EHBP1: variants seen among roughly 807,000 people sequenced by gnomAD.
EHBP1 encodes EH domain-binding protein 1.
In EHBP1, 55 loss-of-function variants were observed where a neutral mutation model predicts 144.0. The observed-to-expected ratio is 0.38, with a 90% CI of 0.31 to 0.48. EHBP1 has a LOEUF of 0.48. Among genes scored for constraint, EHBP1 ranks in the 20% least tolerant of loss-of-function variants. The pLI, the probability that EHBP1 is intolerant of heterozygous loss-of-function variation, is 0.98. For synonymous variants in EHBP1, 469 were observed against 472.7 expected, an observed-to-expected ratio of 0.99 and a Z score of 0.10; for missense variants, 1,200 against 1,364.2, an observed-to-expected ratio of 0.88 and a Z score of 1.90.
At chr2:62,729,997 A>G (rs2152013169) in intron 2 of EHBP1, among the ~76,000 whole-genome samples, 1 of 152,224 alleles carries the variant, frequency 6.6e-6, no homozygotes. Context: ...TGCTATAGAG[A>G]GAGTCACACA....
chr2:62,752,122 T>A (rs199701838), intron 3 of EHBP1, among the ~76,000 whole-genome samples: 1 of 152,228 alleles, frequency 6.6e-6, no homozygotes, highest in Non-Finnish European at 1.5e-5. Context: ...TGGTATTTAG[T>A]GCTAGAAATT....
chr2:62,960,676 G>T (rs2057955808), intron 14 of EHBP1, among the ~76,000 whole-genome samples: 1 of 152,118 alleles, frequency 6.6e-6, no homozygotes, highest in Admixed American at 6.5e-5. Flanking sequence ...TCCTCTGAGT[G>T]TCACCTAATA....
At position 62,764,138 on chromosome 2, in the gene EHBP1, T is replaced by G. The variant is rs567457498; in HGVS notation, c.163-128T>G. On this transcript the variant is annotated intron_variant, in intron 3 of 22. Transcript: ENST00000431489. ...TTTCAGGGATACTACATAGGGTCAA[T>G]ATACCATTGTAAATTACTAACATTG... The G allele has an allele frequency of 6.9e-5, 46 of 663,856 alleles. No homozygotes were observed. In the South Asian group the frequency reaches 1.2e-3, roughly 17 times the overall value. The allele number at this position is 663,856 out of a possible 1,614,324, so 41.1% of individuals were successfully genotyped here.
At position 62,829,963 on chromosome 2, in the gene EHBP1, C is replaced by T. The variant is rs139186536; in HGVS notation, c.495-1056C>T. The stretch of plus-strand genomic sequence containing the variant: ...TTAAAGAGTTAAAAAGTAGAACTAC[C>T]GTCTGATCCAGGAATCCCACTGCAG... On this transcript the variant is annotated intron_variant, in intron 6 of 22. Coordinates refer to ENST00000431489, the MANE Select transcript of EHBP1 (RefSeq NM_001142616.3). 1.8e-4 allele frequency among the ~76,000 whole-genome samples: 27 copies of T among 150,642 alleles called. No individual in the cohort carries two copies. In the South Asian group the frequency reaches 1.9e-3, roughly 11 times the overall value.
chr2:62,722,917 T>G (rs2036376410), intron 2 of EHBP1, among the ~76,000 whole-genome samples: 1 of 152,204 alleles, frequency 6.6e-6, no homozygotes, highest in Admixed American at 6.5e-5. Flanking sequence ...TGAGGTATTT[T>G]ATGTCCAATT....
rs1022731361 is a variant in EHBP1, at chr2:62,898,618, A to G, written c.1185+24086A>G. On this transcript the variant is annotated intron_variant, in intron 10 of 22. Coordinates refer to ENST00000431489, the MANE Select transcript of EHBP1 (RefSeq NM_001142616.3). ...ACCACCCCTTTTCTCCAATCACTAT[A>G]TCATACCTATGTACTTTGGTCTTCT... Among the ~76,000 whole-genome samples, 51 of 152,248 alleles carry G rather than the reference A, an allele frequency of 3.3e-4. 1 individual carries two copies. The highest frequency in any genetic ancestry group is 3.4e-3 in the Middle Eastern group (1 of 294).
intron 7 of EHBP1, among the ~76,000 whole-genome samples, chr2:62,846,303 C>T (rs989947027): frequency 1.3e-5 from 2 of 152,020 alleles, no homozygotes; most frequent in Non-Finnish European, 2.9e-5. Flanking sequence ...AGGGGAGGAG[C>T]CAGAAGGCAA....
intron 7 of EHBP1, among the ~76,000 whole-genome samples, chr2:62,834,826 C>T (rs543473180): frequency 7.2e-5 from 11 of 152,154 alleles, no homozygotes; most frequent in East Asian, 5.8e-4. Context: ...ATATGGAGGG[C>T]GCACTTTTCA....
intron 15 of EHBP1, among the ~76,000 whole-genome samples, chr2:62,982,832 G>C (rs2059028169): frequency 6.6e-6 from 1 of 152,146 alleles, no homozygotes; most frequent in Non-Finnish European, 1.5e-5. Context: ...ACCAGCCTCG[G>C]TGAGAAAAGG....
intron 14 of EHBP1, among the ~76,000 whole-genome samples, chr2:62,976,535 T>C (rs1452221744): frequency 6.6e-6 from 1 of 152,234 alleles, no homozygotes; most frequent in East Asian, 1.9e-4. Flanking sequence ...CTCCTTTTTC[T>C]TGAAAGCCTC....
At chr2:62,786,530 G>C (rs1573344837) in intron 5 of EHBP1, among the ~76,000 whole-genome samples, 1 of 152,306 alleles carries the variant, frequency 6.6e-6, no homozygotes, top group Non-Finnish European at 1.5e-5. Context: ...AATGTGGGAT[G>C]AGAAATATTT....
chr2:62,814,159 G>A (rs2045266941), intron 5 of EHBP1, among the ~76,000 whole-genome samples: 2 of 152,192 alleles, frequency 1.3e-5, no homozygotes, highest in South Asian at 2.1e-4. Context: ...TTGAGAGGTG[G>A]GAACTGTATG....
chr2:63,041,209 G>A (rs188117478), intron 21 of EHBP1, among the ~76,000 whole-genome samples: 126 of 152,072 alleles, frequency 8.3e-4, no homozygotes, highest in Non-Finnish European at 1.6e-3. Flanking sequence ...TAATCACTTT[G>A]GCCTGTTTTT....
intron 5 of EHBP1, among the ~76,000 whole-genome samples, chr2:62,819,872 T>G (rs1427694199): frequency 1.3e-5 from 2 of 151,942 alleles, no homozygotes; most frequent in Admixed American, 1.3e-4. Context: ...GCGATGAAAT[T>G]TAATGAACCA....
intron 16 of EHBP1, among the ~76,000 whole-genome samples, chr2:62,992,795 C>T (rs1444965023): frequency 6.6e-6 from 1 of 152,156 alleles, no homozygotes; most frequent in Non-Finnish European, 1.5e-5. Context: ...CTTTTGATAA[C>T]CAGTTTCAGC....
intron 19 of EHBP1, among the ~76,000 whole-genome samples, chr2:63,031,626 T>TA (rs969172251): frequency 8.6e-5 from 13 of 151,850 alleles, no homozygotes; most frequent in African/African-American, 2.9e-4. Flanking sequence ...ATATGTAATT[T>TA]AAAAAAAATA....
At chr2:62,778,199 G>T (rs913920448) in intron 5 of EHBP1, among the ~76,000 whole-genome samples, 3 of 151,952 alleles carry the variant, frequency 2.0e-5, no homozygotes, top group Admixed American at 6.6e-5. Flanking sequence ...TGTTACCTCC[G>T]GAAGACTTTT....
intron 5 of EHBP1, among the ~76,000 whole-genome samples, chr2:62,798,218 A>G (rs1311987549): frequency 6.6e-6 from 1 of 152,116 alleles, no homozygotes; most frequent in Non-Finnish European, 1.5e-5. Context: ...AAATACAAAA[A>G]TTAGCTGAGA....
intron 14 of EHBP1, among the ~76,000 whole-genome samples, chr2:62,957,739 G>A (rs780318019): frequency 2.3e-5 from 3 of 132,242 alleles, no homozygotes; most frequent in African/African-American, 5.8e-5. Flanking sequence ...TTCGCCTCCC[G>A]GGTTCACACC....
Sources: gnomAD v4.1 joint callset for allele counts (sites outside exome capture counted in the v4.1 genomes callset) on GRCh38, gnomAD v4.1.1 for gene constraint, MANE v1.5 for transcripts, NCBI Gene and HGNC (gene_info 2026-07-23, HGNC 2026-07-21) for gene names.